The following ZNF865 variants were observed in gnomAD, a reference collection of about 807,000 sequenced individuals.
ZNF865 encodes the protein zinc finger protein 865.
For synonymous variants in ZNF865, 763 were observed against 750.8 expected, an observed-to-expected ratio of 1.02 and a Z score of -0.27; for missense variants, 1,311 against 1,593.4, an observed-to-expected ratio of 0.82 and a Z score of 3.02.
At chr19:55,607,439 GAAAA>G (rs112301848) in intron 1 of ZNF865, among the ~76,000 whole-genome samples, 7 of 78,412 alleles carry the variant, frequency 8.9e-5, no homozygotes, top group South Asian at 8.8e-4. Context: ...GTCTTTACAG[GAAAA>G]AAAAAAAAAA....
chr19:55,605,891 T>G (rs1568523389), intron 1 of ZNF865, among the ~76,000 whole-genome samples, 159 bp downstream of exon 1: 1 of 151,974 alleles, frequency 6.6e-6, no homozygotes, highest in Non-Finnish European at 1.5e-5. Flanking sequence ...TGCTCCCCGG[T>G]AGGATCACTG....
At position 55,614,523 on chromosome 19, in the gene ZNF865, G is replaced by GCGCCGC; in HGVS notation, c.907_912dup (p.Ala303_Ala304dup). 2 of 1,332,738 alleles carry GCGCCGC rather than the reference G, an allele frequency of 1.5e-6. 1 individual carries two copies. The highest frequency in any genetic ancestry group is 5.3e-4 in the Middle Eastern group (2 of 3,788). The allele number at this position is 1,332,738 out of a possible 1,614,324, so 82.6% of individuals were successfully genotyped here. A position where few individuals can be genotyped will look rare whatever the true frequency, so the allele number is the denominator to read the frequency against. ...CTGGGCCTCCCAGCACCCGCTGCCA[G>GCGCCGC]CGCCGCCACCGCCGCCGCCCCCTCC... On this transcript the variant is annotated inframe_insertion, in exon 2 of 2. Coordinates refer to ENST00000568956, the MANE Select transcript of ZNF865 (RefSeq NM_001195605.2). The surrounding 1 kb of genome is among the most constrained non-coding windows in gnomAD (Gnocchi z 8.0).
rs544226438 is a variant in ZNF865 at position 55,614,602 on chromosome 19, C to T, written c.984C>T (p.Asp328=). The T allele has an allele frequency of 1.7e-4, 254 of 1,523,896 alleles. 4 individuals carry two copies. Among genetic ancestry groups the T allele is most frequent in the South Asian group, 1.4e-3 (116 of 82,504 alleles). The allele number at this position is 1,523,896 out of a possible 1,614,324, so 94.4% of individuals were successfully genotyped here. ...CCGTGGCGCCTGCCCCCTCCGCAGA[C>T]GGGAGCGCCGCCCCTGCTGGTGTTG... ...ATPVAPAPSA[D]GSAAPAGVGV... The change falls in exon 2 of 2, where the codon GAC becomes GAT. Residue 328 remains aspartate, a synonymous_variant. Transcript: ENST00000568956. The surrounding 1 kb of genome is among the most constrained non-coding windows in gnomAD (Gnocchi z 8.0).
chr19:55,611,304 C>T lies in ZNF865; in HGVS notation c.-26-2289C>T, dbSNP rs1164448752. ...CGATTAACCTGTGCTCTAGTGGAGACAAGCTAGTCAGGGGCTTCTTTCCCC... is the reference window on the plus strand; with the variant it reads ...CGATTAACCTGTGCTCTAGTGGAGATAAGCTAGTCAGGGGCTTCTTTCCCC... On this transcript the variant is annotated intron_variant, in intron 1 of 1. Coordinates refer to ENST00000568956, the MANE Select transcript of ZNF865 (RefSeq NM_001195605.2). The surrounding 1 kb of genome is among the most constrained non-coding windows in gnomAD (Gnocchi z 4.5). Among the ~76,000 whole-genome samples the T allele has an allele frequency of 6.6e-6, 1 of 152,114 alleles. No homozygotes were observed. Among genetic ancestry groups the T allele is most frequent in the Non-Finnish European group, 1.5e-5 (1 of 68,014 alleles).
rs1433380390 is a variant in ZNF865, at chr19:55,616,769, G to A, written c.3151G>A (p.Ala1051Thr). 1.4e-6 allele frequency: 2 copies of A among 1,452,092 alleles called. No individual in the cohort carries two copies. Among genetic ancestry groups the A allele is most frequent in the South Asian group, 2.8e-5 (2 of 70,506 alleles). 90.0% of individuals were successfully genotyped at this position (1,452,092 alleles called of 1,614,324 possible). A position where few individuals can be genotyped will look rare whatever the true frequency, so the allele number is the denominator to read the frequency against. The change falls in exon 2 of 2, where the codon GCG (alanine) becomes ACG (threonine). Residue 1051 changes from alanine (A) to threonine (T), a missense_variant. Transcript: ENST00000568956. Reference protein sequence around the residue: ...AENLGGPGAGAGTLAGKDA With the variant: ...AENLGGPGAGTGTLAGKDA ...GAACCTCGGGGGGCCTGGAGCAGGGGCGGGCACCTTGGCCGGGAAGGATGC... is the reference window on the plus strand; with the variant it reads ...GAACCTCGGGGGGCCTGGAGCAGGGACGGGCACCTTGGCCGGGAAGGATGC...
chr19:55,614,370 C>T lies in ZNF865; in HGVS notation c.752C>T (p.Pro251Leu). 2 of 1,486,596 alleles carry T rather than the reference C, an allele frequency of 1.3e-6. No individual in the cohort carries two copies. The highest frequency in any genetic ancestry group is 1.8e-6 in the Non-Finnish European group (2 of 1,122,874). The allele number at this position is 1,486,596 out of a possible 1,614,324, so 92.1% of individuals were successfully genotyped here. ...QHMLVHSGER[P>L]YECGVCGRTY... is the part of the protein sequence containing the mutation. ...ATGCTGGTGCACTCGGGGGAGAGGC[C>T]CTACGAATGCGGCGTCTGCGGCCGC... is the stretch of plus-strand genomic sequence containing the variant. Residue 251 changes from proline to leucine, a missense_variant, in exon 2 of 2, where the codon CCC (proline) becomes CTC (leucine). Transcript: ENST00000568956. This position sits in a 1 kb window ranked among gnomAD's most constrained non-coding sequence, Gnocchi z 8.0.
chr19:55,613,973 G>A lies in ZNF865; in HGVS notation c.355G>A (p.Ala119Thr). 1.3e-6 allele frequency: 2 copies of A among 1,528,394 alleles called. No individual in the cohort carries two copies. Among genetic ancestry groups the A allele is most frequent in the African/African-American group, 1.4e-5 (1 of 72,494 alleles). The allele number at this position is 1,528,394 out of a possible 1,614,324, so 94.7% of individuals were successfully genotyped here. A position where few individuals can be genotyped will look rare whatever the true frequency, so the allele number is the denominator to read the frequency against. ...SSSSSSSSSQ[A>T]KKPDPPLPPA... ...ATCTTCGTCCTCTTCCTCTTCCCAA[G>A]CCAAGAAGCCCGATCCGCCCCTGCC... The change falls in exon 2 of 2, where the codon GCC (alanine) becomes ACC (threonine). Residue 119 changes from alanine to threonine, a missense_variant. Transcript: ENST00000568956.
Position 55,614,020 on chromosome 19 carries a change from T to G in ZNF865, c.402T>G (p.Pro134=), listed in dbSNP as rs1225196211. 2 of 1,499,728 alleles carry G rather than the reference T, an allele frequency of 1.3e-6. No homozygotes were observed. The highest frequency in any genetic ancestry group is 2.6e-5 in the South Asian group (2 of 78,266). The allele number at this position is 1,499,728 out of a possible 1,614,324, so 92.9% of individuals were successfully genotyped here. The change falls in exon 2 of 2, where the codon CCT becomes CCG. Residue 134 remains proline, a synonymous_variant. Coordinates refer to ENST00000568956, the MANE Select transcript of ZNF865 (RefSeq NM_001195605.2). This position sits in a 1 kb window ranked among gnomAD's most constrained non-coding sequence, Gnocchi z 8.0. ...TGCCGCCCGCCTTCGGGGCGCCCCC[T>G]CCTCCCCTCTTTGACGCTGCTTTCC... ...PPLPPAFGAP[P]PPLFDAAFPT...
Position 55,615,842 on chromosome 19 carries a change from G to A in ZNF865, c.2224G>A (p.Gly742Ser), listed in dbSNP as rs1344341070. The change falls in exon 2 of 2, where the codon GGC becomes AGC. Residue 742 changes from glycine to serine, a missense_variant. Coordinates refer to ENST00000568956, the MANE Select transcript of ZNF865 (RefSeq NM_001195605.2). ...GGLQPPDGSS[G>S]TDAASVLDNG... ...CCTGCAGCCCCCGGACGGCTCCAGC[G>A]GCACGGATGCGGCCAGCGTGCTGGA... 12 of 1,499,096 alleles carry A rather than the reference G, an allele frequency of 8.0e-6. No homozygotes were observed. Among genetic ancestry groups the A allele is most frequent in the Admixed American group, 2.2e-5 (1 of 45,256 alleles). The allele number at this position is 1,499,096 out of a possible 1,614,324, so 92.9% of individuals were successfully genotyped here. A position where few individuals can be genotyped will look rare whatever the true frequency, so the allele number is the denominator to read the frequency against.
At position 55,611,220 on chromosome 19, in the gene ZNF865, T is replaced by C. The variant is rs1200352508; in HGVS notation, c.-26-2373T>C. Among the ~76,000 whole-genome samples the C allele has an allele frequency of 2.0e-5, 3 of 152,122 alleles. No homozygotes were observed. The highest frequency in any genetic ancestry group is 7.2e-5 in the African/African-American group (3 of 41,416). On this transcript the variant is annotated intron_variant, in intron 1 of 1. Coordinates refer to ENST00000568956, the MANE Select transcript of ZNF865 (RefSeq NM_001195605.2). The surrounding 1 kb of genome is among the most constrained non-coding windows in gnomAD (Gnocchi z 4.5). ...GTTGTGGGGAGTCAGTGAATTAATATGTGTAACGTGCTTAGAACCGTGGCG... is the reference window on the plus strand; with the variant it reads ...GTTGTGGGGAGTCAGTGAATTAATACGTGTAACGTGCTTAGAACCGTGGCG...
In ZNF865 at chr19:55,616,054, C is replaced by T. The variant is rs918440400; in HGVS notation, c.2436C>T (p.Tyr812=). The change falls in exon 2 of 2, where the codon TAC becomes TAT. Residue 812 remains tyrosine (Y), a synonymous_variant. Transcript: ENST00000568956. ...TCCTGGGCCTCGTGACTCACAAGTA[C>T]GTGCACCTGGTGCGACGGACCCTGG... ...KHFLGLVTHK[Y]VHLVRRTLGC... 3.3e-6 allele frequency: 5 copies of T among 1,521,012 alleles called. No individual in the cohort carries two copies. The African/African-American group carries it at 7.0e-5, about 21-fold the overall frequency. 94.2% of individuals were successfully genotyped at this position (1,521,012 alleles called of 1,614,324 possible).
In ZNF865 at chr19:55,615,140, G is replaced by T; in HGVS notation, c.1522G>T (p.Ala508Ser). 1 of 1,194,282 alleles carries T rather than the reference G, an allele frequency of 8.4e-7. No individual in the cohort carries two copies. The highest frequency in any genetic ancestry group is 1.0e-6 in the Non-Finnish European group (1 of 962,840). 74.0% of individuals were successfully genotyped at this position (1,194,282 alleles called of 1,614,324 possible). A position where few individuals can be genotyped will look rare whatever the true frequency, so the allele number is the denominator to read the frequency against. Residue 508 changes from alanine to serine, a missense_variant, in exon 2 of 2, where the codon GCG becomes TCG. Ala to Ser is a moderately conservative substitution (Grantham distance 99). Coordinates refer to ENST00000568956, the MANE Select transcript of ZNF865 (RefSeq NM_001195605.2). The stretch of plus-strand genomic sequence containing the variant: ...CACCACAGACAGCGAGAAGGCGGCG[G>T]CGGCCGCGGCGGCGGTGGTGTACGG... ...PPTTDSEKAA[A>S]AAAAVVYGAV...
Position 55,614,251 on chromosome 19 carries a change from C to G in ZNF865, c.633C>G (p.Gly211=). The G allele has an allele frequency of 6.6e-7, 1 of 1,515,122 alleles. No individual in the cohort carries two copies. The highest frequency in any genetic ancestry group is 8.8e-7 in the Non-Finnish European group (1 of 1,137,226). The allele number at this position is 1,515,122 out of a possible 1,614,324, so 93.9% of individuals were successfully genotyped here. The stretch of plus-strand genomic sequence containing the variant: ...GCGACCCCACCAAGGACGACAAGGG[C>G]TACTTCCGGAGACTGAAGTACCTGA... The part of the protein sequence containing the change: ...AACDPTKDDK[G]YFRRLKYLME... Residue 211 remains glycine, a synonymous_variant, in exon 2 of 2, where the codon GGC becomes GGG. Coordinates refer to ENST00000568956, the MANE Select transcript of ZNF865 (RefSeq NM_001195605.2). The surrounding 1 kb of genome is among the most constrained non-coding windows in gnomAD (Gnocchi z 8.0).
Position 55,615,774 on chromosome 19 carries a change from A to G in ZNF865, c.2156A>G (p.His719Arg). Residue 719 changes from histidine (H) to arginine (R), a missense_variant, in exon 2 of 2, where the codon CAC (histidine) becomes CGC (arginine). By Grantham distance (29) the His-to-Arg change is conservative (BLOSUM62 0). Coordinates refer to ENST00000568956, the MANE Select transcript of ZNF865 (RefSeq NM_001195605.2). ...AACCTCATGTGGCACAAGCTGGTCCACCAGGCCGCCCCCGAGCGCCTGCTC... is the reference window on the plus strand; with the variant it reads ...AACCTCATGTGGCACAAGCTGGTCCGCCAGGCCGCCCCCGAGCGCCTGCTC... Reference protein sequence around the residue: ...IENLMWHKLVHQAAPERLLPP... With the variant: ...IENLMWHKLVRQAAPERLLPP... The G allele has an allele frequency of 6.6e-7, 1 of 1,525,822 alleles. No homozygotes were observed. Among genetic ancestry groups the G allele is most frequent in the Non-Finnish European group, 8.8e-7 (1 of 1,142,218 alleles). 94.5% of individuals were successfully genotyped at this position (1,525,822 alleles called of 1,614,324 possible). A position where few individuals can be genotyped will look rare whatever the true frequency, so the allele number is the denominator to read the frequency against.
rs1981299453 is a variant in ZNF865 at position 55,615,079 on chromosome 19, C to T, written c.1461C>T (p.Phe487=). The T allele has an allele frequency of 7.6e-6, 6 of 785,382 alleles. No individual in the cohort carries two copies. In the South Asian group the frequency reaches 1.1e-4, roughly 14 times the overall value. The allele number at this position is 785,382 out of a possible 1,614,324, so 48.7% of individuals were successfully genotyped here. A position where few individuals can be genotyped will look rare whatever the true frequency, so the allele number is the denominator to read the frequency against. ...AASAPQPPPT[F]PPGPYLLPPD... ...CGGCCCCGCAGCCCCCGCCCACCTTCCCCCCGGGCCCGTACCTCCTGCCCC... is the reference window on the plus strand; with the variant it reads ...CGGCCCCGCAGCCCCCGCCCACCTTTCCCCCGGGCCCGTACCTCCTGCCCC... Residue 487 remains phenylalanine (F), a synonymous_variant, in exon 2 of 2, where the codon TTC becomes TTT. Coordinates refer to ENST00000568956, the MANE Select transcript of ZNF865 (RefSeq NM_001195605.2).
intron 1 of ZNF865, among the ~76,000 whole-genome samples, chr19:55,609,603 C>T (rs1276226720): frequency 6.6e-6 from 1 of 152,234 alleles, no homozygotes; most frequent in Non-Finnish European, 1.5e-5. Flanking sequence ...CTGCTTTCCT[C>T]TTTATTGGCC....
At position 55,615,885 on chromosome 19, in the gene ZNF865, A is replaced by G. The variant is rs897779580; in HGVS notation, c.2267A>G (p.Glu756Gly). ...ASVLDNGLAG[E>G]VGAAVAALAG... ...GTGCTGGACAACGGGCTGGCGGGGG[A>G]GGTGGGGGCGGCCGTGGCGGCACTG... The change falls in exon 2 of 2, where the codon GAG becomes GGG. Residue 756 changes from glutamate (E) to glycine (G), a missense_variant. Coordinates refer to ENST00000568956, the MANE Select transcript of ZNF865 (RefSeq NM_001195605.2). 4.1e-6 allele frequency: 6 copies of G among 1,469,196 alleles called. No individual in the cohort carries two copies. The highest frequency in any genetic ancestry group is 2.4e-5 in the Admixed American group (1 of 41,810). The allele number at this position is 1,469,196 out of a possible 1,614,324, so 91.0% of individuals were successfully genotyped here.
At chr19:55,613,263 G>A (rs1272080467) in intron 1 of ZNF865, among the ~76,000 whole-genome samples, 2 of 152,320 alleles carry the variant, frequency 1.3e-5, no homozygotes, top group East Asian at 3.9e-4. Flanking sequence ...CAGGTGGTGT[G>A]GAGGAGAGGG....
chr19:55,609,819 A>G lies in ZNF865; in HGVS notation c.-26-3774A>G, dbSNP rs75719854. Among the ~76,000 whole-genome samples the G allele has an allele frequency of 4.1e-3, 627 of 152,330 alleles. 4 individuals carry two copies. Among genetic ancestry groups the G allele is most frequent in the African/African-American group, 0.014 (595 of 41,574 alleles). On this transcript the variant is annotated intron_variant, in intron 1 of 1. Transcript: ENST00000568956. ...GTGGAGGGGTGGGTCCCTCCCCATC[A>G]TGCTTCTCTCTGCATAAAACCCTCC...
Sources: gnomAD v4.1 joint callset for allele counts (sites outside exome capture counted in the v4.1 genomes callset) on GRCh38, gnomAD v4.1.1 for gene constraint, Gnocchi (gnomAD v3.1) non-coding constraint, MANE v1.5 for transcripts, NCBI Gene and HGNC (gene_info 2026-07-23, HGNC 2026-07-21) for gene names.